The following NPIPB2 variants were observed in gnomAD, a reference collection of about 807,000 sequenced individuals.
NPIPB2 encodes the protein nuclear pore complex interacting protein family member B2, also known as nuclear pore complex-interacting protein family member B2.
In NPIPB2, 27 loss-of-function variants were observed where a neutral mutation model predicts 30.8. That is an observed-to-expected ratio of 0.88 (90% confidence interval 0.65 to 1.21). NPIPB2 has a LOEUF of 1.21. NPIPB2 is among the 50% of genes most tolerant of loss of function. The pLI, the probability that NPIPB2 is intolerant of heterozygous loss-of-function variation, is 0.00. For synonymous variants in NPIPB2, 147 were observed against 162.0 expected (o/e 0.91, Z 0.70); for missense variants, 440 against 446.2 (o/e 0.99, Z 0.13).
chr16:11,950,113 G>A (rs1303109241), intron 1 of NPIPB2, among the ~76,000 whole-genome samples: 7 of 152,198 alleles, frequency 4.6e-5, no homozygotes, highest in African/African-American at 1.7e-4. Flanking sequence ...TTGGCTCATT[G>A]TAGCCACCTC....
exon 3 of NPIPB2, chr16:11,933,841 G>C (rs751225677): frequency 6.3e-7 from 1 of 1,584,106 alleles, no homozygotes; most frequent in African/African-American, 1.3e-5. Context: ...GTCTACGGCG[G>C]TTGGACCTCC....
At chr16:11,950,424 C>T (rs1483446717) in intron 1 of NPIPB2, among the ~76,000 whole-genome samples, 2 of 152,070 alleles carry the variant, frequency 1.3e-5, no homozygotes, top group African/African-American at 4.8e-5. Flanking sequence ...CTTGCTGCAG[C>T]CCCCCAAAAT....
At chr16:11,972,274 C>CT (rs1172484274) in intron 1 of NPIPB2, among the ~76,000 whole-genome samples, 1 of 152,106 alleles carries the variant, frequency 6.6e-6, no homozygotes, top group African/African-American at 2.4e-5. Flanking sequence ...TAAATGTTTC[C>CT]TACTAAGGAG....
upstream of NPIPB2, among the ~76,000 whole-genome samples, chr16:11,946,696 A>C (rs1318138773): frequency 6.6e-6 from 1 of 152,178 alleles, no homozygotes; most frequent in East Asian, 1.9e-4. Context: ...CCGGTAGGAA[A>C]GTAAAATGGG....
At chr16:11,933,901 G>C (rs773948020) in exon 3 of NPIPB2, 5 of 1,554,418 alleles carry the variant, frequency 3.2e-6, no homozygotes, top group Non-Finnish European at 8.8e-7. Flanking sequence ...TTTCAGACTG[G>C]AAGATAGTCT....
chr16:11,972,927 G>A (rs1042427418), intron 1 of NPIPB2, among the ~76,000 whole-genome samples: 2 of 151,894 alleles, frequency 1.3e-5, no homozygotes, highest in Non-Finnish European at 2.9e-5. Flanking sequence ...TTGGGAGGCC[G>A]AGGCGGGCGG....
chr16:11,949,046 G>T (rs558171819), intron 1 of NPIPB2, among the ~76,000 whole-genome samples: 56 of 151,976 alleles, frequency 3.7e-4, no homozygotes, highest in African/African-American at 1.3e-3. Context: ...TAAGGGAGGC[G>T]GCTGAGATGG....
intron 1 of NPIPB2, chr16:11,967,670 C>T (rs750353416): frequency 1.9e-6 from 3 of 1,614,154 alleles, no homozygotes; most frequent in Non-Finnish European, 2.5e-6. Flanking sequence ...TGGAAGAATG[C>T]ACCTGTGAAG....
At chr16:11,974,073 C>T (rs1397702534) in intron 1 of NPIPB2, among the ~76,000 whole-genome samples, 1 of 152,152 alleles carries the variant, frequency 6.6e-6, no homozygotes, top group Non-Finnish European at 1.5e-5. Context: ...CAAGTTTAGG[C>T]AGATGAAGGA....
chr16:11,953,428 C>T (rs1372967353), intron 1 of NPIPB2, among the ~76,000 whole-genome samples: 2 of 140,162 alleles, frequency 1.4e-5, no homozygotes, highest in Non-Finnish European at 3.0e-5. Flanking sequence ...CTGCAACCTC[C>T]GCCTCCCAGG....
upstream of NPIPB2, among the ~76,000 whole-genome samples, chr16:11,944,755 A>AAC (rs2054986402): frequency 1.3e-5 from 2 of 150,640 alleles, no homozygotes; most frequent in Non-Finnish European, 3.0e-5. Context: ...AAAAAAAAAA[A>AAC]AAAAACTGGA....
intron 1 of NPIPB2, among the ~76,000 whole-genome samples, chr16:11,948,965 C>T (rs946226232): frequency 1.3e-5 from 2 of 151,816 alleles, no homozygotes; most frequent in African/African-American, 4.8e-5. Flanking sequence ...TAGCAAGACA[C>T]TGTCTCTACA....
chr16:11,972,664 A>C (rs1009140880), intron 1 of NPIPB2, among the ~76,000 whole-genome samples: 7 of 149,192 alleles, frequency 4.7e-5, no homozygotes, highest in Non-Finnish European at 1.0e-4. Context: ...CATGAAGTCA[A>C]GAGATTGAGT....
At chr16:11,952,175 C>CAAAAAAAAA (rs112970450) in intron 1 of NPIPB2, among the ~76,000 whole-genome samples, 3 of 128,842 alleles carry the variant, frequency 2.3e-5, no homozygotes, top group African/African-American at 5.9e-5. Flanking sequence ...AAAAACAAAA[C>CAAAAAAAAA]AAAAAAAAAA....
chr16:11,956,696 A>G (rs2055115647), intron 1 of NPIPB2, among the ~76,000 whole-genome samples: 2 of 152,134 alleles, frequency 1.3e-5, no homozygotes, highest in South Asian at 4.1e-4. Flanking sequence ...AAAAGAAAAG[A>G]AATGATCTCC....
At chr16:11,959,900 T>A (rs1036855540) in intron 1 of NPIPB2, among the ~76,000 whole-genome samples, 5 of 152,096 alleles carry the variant, frequency 3.3e-5, no homozygotes, top group African/African-American at 1.2e-4. Flanking sequence ...CTCAGCCTCC[T>A]GAGCAGCTGG....
In NPIPB2 at chr16:11,956,537, G is replaced by A. The variant is rs150688898; in HGVS notation, c.-583-14423C>T. Among the ~76,000 whole-genome samples, 1,272 of 152,252 alleles carry A rather than the reference G, an allele frequency of 8.4e-3. 18 individuals carry two copies. The highest frequency in any genetic ancestry group is 0.03 in the African/African-American group (1,240 of 41,560). On this transcript the variant is annotated intron_variant, in intron 1 of 5. Coordinates refer to the NPIPB2 transcript ENST00000538896. ...TTAAAAATACAAAAATTAGCTGGGC[G>A]TGGTGGCAGGCACCTGTAGTCCTAG...
At chr16:11,956,358 C>T (rs1480089990) in intron 1 of NPIPB2, 3 of 152,214 alleles carry the variant, frequency 2.0e-5, no homozygotes, top group African/African-American at 4.8e-5. Context: ...TCTGGAGTCC[C>T]GCTCTCAGTA....
At chr16:11,951,621 CACAT>C (rs61165693) in intron 1 of NPIPB2, among the ~76,000 whole-genome samples, 6,926 of 114,504 alleles carry the variant, frequency 0.06, 311 homozygotes, top group Admixed American at 0.16. Context: ...ACTGCACATA[CACAT>C]ACACACACAC....
Sources: gnomAD v4.1 joint callset for allele counts (sites outside exome capture counted in the v4.1 genomes callset) on GRCh38, gnomAD v4.1.1 for gene constraint, MANE v1.5 for transcripts, NCBI Gene and HGNC (gene_info 2026-07-23, HGNC 2026-07-21) for gene names.